HSD17B12: variants seen among roughly 807,000 people sequenced by gnomAD.
HSD17B12 encodes the protein very-long-chain 3-oxoacyl-CoA reductase.
HSD17B12 carries 32 observed loss-of-function variants against 39.3 expected under a neutral mutation model. The observed-to-expected ratio is 0.81, with a 90% CI of 0.61 to 1.09. The LOEUF (loss-of-function observed/expected upper bound fraction) is 1.09, where lower values mean the gene tolerates loss of function less well. Among genes scored for constraint, HSD17B12 ranks in the 50% least tolerant of loss-of-function variants. The pLI, the probability that HSD17B12 is intolerant of heterozygous loss-of-function variation, is 0.00. For synonymous variants in HSD17B12, 150 were observed against 146.7 expected, an observed-to-expected ratio of 1.02 and a Z score of -0.16; for missense variants, 342 against 382.9, an observed-to-expected ratio of 0.89 and a Z score of 0.89.
At chr11:43,843,811 A>G (rs1382351279) in intron 9 of HSD17B12, among the ~76,000 whole-genome samples, 1 of 151,984 alleles carries the variant, frequency 6.6e-6, no homozygotes, top group Non-Finnish European at 1.5e-5. Flanking sequence ...AGCTCCTTGT[A>G]TACCTCTGCC....
At chr11:43,692,263 G>A (rs1949869534) in intron 1 of HSD17B12, among the ~76,000 whole-genome samples, 1 of 152,120 alleles carries the variant, frequency 6.6e-6, no homozygotes. Flanking sequence ...AAAATAATTT[G>A]TGAACTGTTT....
At chr11:43,842,531 T>C (rs1403049370) in intron 9 of HSD17B12, among the ~76,000 whole-genome samples, 1 of 152,246 alleles carries the variant, frequency 6.6e-6, no homozygotes, top group East Asian at 1.9e-4. Flanking sequence ...TACTCTCTTT[T>C]TCCCCTTTCC....
chr11:43,806,646 T>G (rs1951020795), intron 4 of HSD17B12, among the ~76,000 whole-genome samples: 1 of 152,026 alleles, frequency 6.6e-6, no homozygotes, highest in African/African-American at 2.4e-5. Flanking sequence ...AAAAAGTAGA[T>G]CTCATGAAGA....
At chr11:43,657,892 T>C in the HSD17B12 span, among the ~76,000 whole-genome samples, 3 of 152,254 alleles carry the variant, frequency 2.0e-5, no homozygotes, top group South Asian at 6.2e-4. Flanking sequence ...GGAGTTGCTC[T>C]TCTTGAGGAG....
At chr11:43,799,126 A>AC (rs760013710) in intron 4 of HSD17B12, among the ~76,000 whole-genome samples, 8 of 151,954 alleles carry the variant, frequency 5.3e-5, no homozygotes, top group Non-Finnish European at 1.0e-4. Context: ...GTTCACTATT[A>AC]CCCCCCGAGA....
intron 1 of HSD17B12, among the ~76,000 whole-genome samples, chr11:43,683,094 GT>G (rs1554959067): frequency 1.2e-5 from 1 of 80,978 alleles, no homozygotes. Flanking sequence ...GCCTGGATGT[GT>G]TTTTTTTTGT....
At chr11:43,690,400 A>ATTTTTTTTTTT (rs1565049826) in intron 1 of HSD17B12, among the ~76,000 whole-genome samples, 8 of 27,164 alleles carry the variant, frequency 2.9e-4, no homozygotes, top group African/African-American at 4.6e-4. Context: ...ATATATATAT[A>ATTTTTTTTTTT]TATATTTTTT....
At chr11:43,633,629 T>A in the HSD17B12 span, among the ~76,000 whole-genome samples, 2 of 152,124 alleles carry the variant, frequency 1.3e-5, no homozygotes, top group Non-Finnish European at 2.9e-5. Context: ...AGAAGGAGAA[T>A]GACTGAAGGG....
intron 1 of HSD17B12, among the ~76,000 whole-genome samples, chr11:43,697,826 A>G (rs1340127036): frequency 6.6e-6 from 1 of 152,170 alleles, no homozygotes; most frequent in East Asian, 1.9e-4. Context: ...AGACTAGAGA[A>G]ATGTAGGCAG....
the HSD17B12 span, among the ~76,000 whole-genome samples, chr11:43,591,290 T>C: frequency 6.6e-6 from 1 of 152,184 alleles, no homozygotes; most frequent in Non-Finnish European, 1.5e-5. Context: ...ATAATATAAA[T>C]AGATGTCTAA....
the HSD17B12 span, among the ~76,000 whole-genome samples, chr11:43,575,209 G>A: frequency 6.6e-6 from 1 of 152,226 alleles, no homozygotes; most frequent in Non-Finnish European, 1.5e-5. The surrounding 1 kb of genome is among the most constrained non-coding windows in gnomAD (Gnocchi z 4.1). Context: ...ATTGCTCTCT[G>A]GGAAGCTGTA....
At chr11:43,825,541 A>C (rs1189280734) in intron 6 of HSD17B12, among the ~76,000 whole-genome samples, 1 of 152,246 alleles carries the variant, frequency 6.6e-6, no homozygotes, top group Non-Finnish European at 1.5e-5. Flanking sequence ...TGCTTCAAGA[A>C]TTTAACAACA....
At chr11:43,823,902 C>T (rs1239418485) in intron 6 of HSD17B12, among the ~76,000 whole-genome samples, 1 of 152,058 alleles carries the variant, frequency 6.6e-6, no homozygotes, top group Non-Finnish European at 1.5e-5. Context: ...TGAGAATGTC[C>T]TAATCTTTGA....
chr11:43,848,638 T>G (rs1236803374), intron 9 of HSD17B12: 1 of 152,254 alleles, frequency 6.6e-6, no homozygotes, highest in Non-Finnish European at 1.5e-5. Context: ...ATAAGGAAGA[T>G]TCTATAGCCT....
intron 1 of HSD17B12, chr11:43,718,655 C>G (rs913260058): frequency 1.7e-5 from 12 of 703,426 alleles, no homozygotes; most frequent in Non-Finnish European, 2.7e-5. Context: ...AAAAATATAC[C>G]TTGAATAGCC....
the HSD17B12 span, among the ~76,000 whole-genome samples, chr11:43,654,751 T>G: frequency 6.6e-6 from 1 of 152,118 alleles, no homozygotes; most frequent in South Asian, 2.1e-4. Context: ...TTCCATTGGT[T>G]TATATCTCTG....
At chr11:43,699,609 T>C (rs554263426) in intron 1 of HSD17B12, among the ~76,000 whole-genome samples, 28 of 152,334 alleles carry the variant, frequency 1.8e-4, no homozygotes, top group Middle Eastern at 6.8e-3. Context: ...TGTTTGTTAA[T>C]GTTACTGCAA....
the HSD17B12 span, among the ~76,000 whole-genome samples, chr11:43,558,748 C>T: frequency 6.6e-6 from 1 of 151,722 alleles, no homozygotes; most frequent in South Asian, 2.1e-4. Flanking sequence ...TTCTTTTGCG[C>T]TGGGGGTGCG....
At chr11:43,580,218 G>A in the HSD17B12 span, among the ~76,000 whole-genome samples, 5 of 151,784 alleles carry the variant, frequency 3.3e-5, no homozygotes, top group Non-Finnish European at 5.9e-5. Context: ...GGGAGAGTGA[G>A]GGAAGGAGAT....
Sources: allele counts gnomAD v4.1 joint callset (sites outside exome capture counted in the v4.1 genomes callset), GRCh38; gene constraint gnomAD v4.1.1; non-coding constraint Gnocchi (gnomAD v3.1); transcripts MANE v1.5; gene names NCBI Gene and HGNC (gene_info 2026-07-23, HGNC 2026-07-21).